DNAJC13: variants seen among roughly 807,000 people sequenced by gnomAD.
The protein encoded by DNAJC13 is DnaJ heat shock protein family (Hsp40) member C13.
A neutral mutation model predicts 290.5 loss-of-function variants in DNAJC13; 75 were observed. The ratio of observed to expected loss-of-function variants is 0.26; its 90% CI spans 0.21 to 0.31. The LOEUF (loss-of-function observed/expected upper bound fraction) is 0.31, where lower values mean the gene tolerates loss of function less well. Among genes scored for constraint, DNAJC13 ranks in the 10% least tolerant of loss-of-function variants. The probability of loss-of-function intolerance (pLI) is 1.00; values close to 1 mark genes in which losing one functional copy is unlikely to be tolerated. For missense variants in DNAJC13, 2,260 were observed against 2,674.5 expected (o/e 0.85, Z 3.42); for synonymous variants, 862 against 892.0 (o/e 0.97, Z 0.60).
In DNAJC13 at chr3:132,453,410, A is replaced by G; in HGVS notation, c.650A>G (p.Gln217Arg). The G allele has an allele frequency of 1.2e-6, 2 of 1,613,994 alleles. No homozygotes were observed. The highest frequency in any genetic ancestry group is 1.7e-6 in the Non-Finnish European group (2 of 1,179,924). Residue 217 changes from glutamine (Q) to arginine (R), a missense_variant, in exon 7 of 56, where the codon CAA (glutamine) becomes CGA (arginine). By Grantham distance (43) the Gln-to-Arg change is conservative. Coordinates refer to ENST00000260818, the MANE Select transcript of DNAJC13 (RefSeq NM_015268.4). ...AGGAAAGAGCCTTTAGAATTCGAGCAATATTTGAATCTTCGCTTTGGAAAA... is the reference window on the plus strand; with the variant it reads ...AGGAAAGAGCCTTTAGAATTCGAGCGATATTTGAATCTTCGCTTTGGAAAA... ...RIRKEPLEFE[Q>R]YLNLRFGKYS...
chr3:132,468,000 T>G (rs1456452054), intron 20 of DNAJC13, among the ~76,000 whole-genome samples: 1 of 152,252 alleles, frequency 6.6e-6, no homozygotes, highest in Non-Finnish European at 1.5e-5. Context: ...GCCTTTTTAT[T>G]CAGAACTAGC....
intron 1 of DNAJC13, among the ~76,000 whole-genome samples, chr3:132,427,459 G>A (rs1039256955): frequency 2.0e-5 from 3 of 152,020 alleles, no homozygotes; most frequent in Admixed American, 6.6e-5. Context: ...TTTTAAAAAC[G>A]TTTTATGGGA....
At chr3:132,458,251 T>G (rs983685447) in intron 13 of DNAJC13, 1 of 152,204 alleles carries the variant, frequency 6.6e-6, no homozygotes, top group Admixed American at 6.6e-5. Context: ...ATCTCAGTTT[T>G]GTGTGTAGTA....
intron 17 of DNAJC13, among the ~76,000 whole-genome samples, chr3:132,464,862 G>A (rs1576475504): frequency 6.6e-6 from 1 of 152,000 alleles, no homozygotes; most frequent in Non-Finnish European, 1.5e-5. Context: ...ATCAATTAGT[G>A]TATTAGGGAA....
chr3:132,499,803 G>A lies in DNAJC13; in HGVS notation c.4411G>A (p.Val1471Ile). Residue 1471 changes from valine (V) to isoleucine (I), a missense_variant, in exon 38 of 56, where the codon GTA becomes ATA. Physicochemically the swap from Val to Ile is conservative, Grantham distance 29 (BLOSUM62 3). Transcript: ENST00000260818. ...TRASKPSDMS[V>I]QVCGYISKCY... The stretch of plus-strand genomic sequence containing the variant: ...TGCTAGTAAACCAAGTGACATGTCA[G>A]TACAGGTGAGGCTAAAACCTGTGGT... 2 of 1,613,692 alleles carry A rather than the reference G, an allele frequency of 1.2e-6. No homozygotes were observed. The highest frequency in any genetic ancestry group is 1.7e-6 in the Non-Finnish European group (2 of 1,179,840).
Position 132,492,445 on chromosome 3 carries a change from C to T in DNAJC13, c.3655C>T (p.Leu1219Phe). ...RLMIEKIAAH[L>F]ADFTPRLQSN... ...GATGATAGAGAAGATTGCTGCCCATCTCGCGGATTTCACACCTCGTCTTCA... is the reference window on the plus strand; with the variant it reads ...GATGATAGAGAAGATTGCTGCCCATTTCGCGGATTTCACACCTCGTCTTCA... The change falls in exon 33 of 56, where the codon CTC becomes TTC. Residue 1219 changes from leucine (L) to phenylalanine (F), a missense_variant. Around this residue, in one of 3 missense-constraint regions of DNAJC13, gnomAD observed 1,494 missense variants for 1,693.7 expected, o/e 0.88. Transcript: ENST00000260818. 6.2e-7 allele frequency: 1 copy of T among 1,613,864 alleles called. No homozygotes were observed. The highest frequency in any genetic ancestry group is 8.5e-7 in the Non-Finnish European group (1 of 1,179,836).
intron 2 of DNAJC13, among the ~76,000 whole-genome samples, chr3:132,441,756 C>T (rs1194938781): frequency 1.3e-5 from 2 of 152,186 alleles, no homozygotes; most frequent in African/African-American, 4.8e-5. Context: ...CACTATTTTA[C>T]ATGCCTGATT....
rs141914219 is a variant in DNAJC13 at position 132,439,442 on chromosome 3, T to G, written c.68+4824T>G. On this transcript the variant is annotated intron_variant, in intron 2 of 55. Transcript: ENST00000260818. ...GGAATACTGAGGGGTTTTTTTTGTT[T>G]TTTTTTTTTTCCCCTCGCTCTTGAC... Among the ~76,000 whole-genome samples the G allele has an allele frequency of 2.9e-3, 441 of 151,672 alleles. 1 individual carries two copies. Among genetic ancestry groups the G allele is most frequent in the African/African-American group, 0.01 (418 of 41,444 alleles).
At chr3:132,431,681 CAT>C (rs1939243631) in intron 1 of DNAJC13, among the ~76,000 whole-genome samples, 1 of 152,240 alleles carries the variant, frequency 6.6e-6, no homozygotes, top group South Asian at 2.1e-4. Flanking sequence ...CACAAAAACT[CAT>C]ATATGCTTGT....
Position 132,496,570 on chromosome 3 carries a change from A to T in DNAJC13, c.4063A>T (p.Thr1355Ser). The T allele has an allele frequency of 2.5e-6, 4 of 1,607,070 alleles. No homozygotes were observed. The highest frequency in any genetic ancestry group is 3.4e-6 in the Non-Finnish European group (4 of 1,176,196). The change falls in exon 36 of 56, where the codon ACC becomes TCC. Residue 1355 changes from threonine to serine, a missense_variant. Thr to Ser is a moderately conservative substitution (Grantham distance 58). Around this residue, in one of 3 missense-constraint regions of DNAJC13, gnomAD observed 1,494 missense variants for 1,693.7 expected, o/e 0.88. Coordinates refer to ENST00000260818, the MANE Select transcript of DNAJC13 (RefSeq NM_015268.4). ...KVNKAYEFLC[T>S]KSAKIVDGPD... ...AAATAAAGCATATGAATTTTTATGT[A>T]CCAAATCAGCAAAAATAGTGGATGG...
Position 132,522,806 on chromosome 3 carries a change from A to G in DNAJC13, c.5674-22A>G, listed in dbSNP as rs79303841. On this transcript the variant is annotated intron_variant, in intron 48 of 55. Coordinates refer to ENST00000260818, the MANE Select transcript of DNAJC13 (RefSeq NM_015268.4). ...GGTGTTTCCAATAGGTGTCTTTTTCATTCTCAAACTTCCTCGTATAGGTTC... is the reference window on the plus strand; with the variant it reads ...GGTGTTTCCAATAGGTGTCTTTTTCGTTCTCAAACTTCCTCGTATAGGTTC... 1,141 of 1,572,772 alleles carry G rather than the reference A, an allele frequency of 7.3e-4. 13 individuals carry two copies. In the African/African-American group the frequency reaches 0.014, roughly 19 times the overall value.
At chr3:132,512,880 T>G in intron 44 of DNAJC13, 128 bp from the exon 45 acceptor site, 1 of 749,580 alleles carries the variant, frequency 1.3e-6, no homozygotes, top group Non-Finnish European at 2.2e-6. Context: ...TTACTTCATG[T>G]CACAGATGTT....
intron 43 of DNAJC13, 120 bp downstream of exon 43, chr3:132,507,473 C>T (rs563600189): frequency 2.6e-5 from 14 of 532,010 alleles, no homozygotes; most frequent in Admixed American, 9.9e-5. Context: ...TACTGTGCTG[C>T]TTTTTTTTTT....
intron 20 of DNAJC13, among the ~76,000 whole-genome samples, chr3:132,467,770 G>A (rs1433774813): frequency 6.6e-6 from 1 of 152,052 alleles, no homozygotes; most frequent in African/African-American, 2.4e-5. Context: ...CGGCCGAATG[G>A]TACCTAATTT....
Position 132,531,020 on chromosome 3 carries a change from C to A in DNAJC13, c.6548C>A (p.Ser2183Tyr), listed in dbSNP as rs1057201169. 6.2e-7 allele frequency: 1 copy of A among 1,614,048 alleles called. No individual in the cohort carries two copies. Among genetic ancestry groups the A allele is most frequent in the East Asian group, 2.2e-5 (1 of 44,876 alleles). The change falls in exon 55 of 56, where the codon TCT (serine) becomes TAT (tyrosine). Residue 2183 changes from serine to tyrosine, a missense_variant. Physicochemically the swap from Ser to Tyr is moderately radical, Grantham distance 144. Coordinates refer to ENST00000260818, the MANE Select transcript of DNAJC13 (RefSeq NM_015268.4). ...GEQVNEILCRSSVWSAFKDQK... is the reference protein window; with the variant it reads ...GEQVNEILCRYSVWSAFKDQK... ...TAGGTGAATGAAATCCTGTGCCGTT[C>A]TTCAGTCTGGAGTGCCTTCAAAGAT...
At chr3:132,443,277 T>C (rs1281045528) in intron 2 of DNAJC13, among the ~76,000 whole-genome samples, 2 of 152,184 alleles carry the variant, frequency 1.3e-5, no homozygotes, top group African/African-American at 2.4e-5. Flanking sequence ...CTCAGCCTCC[T>C]GAGTAGCCGG....
rs3215092 is a variant in DNAJC13 at position 132,494,924 on chromosome 3, TA to T, written c.3942-152del. Among the ~76,000 whole-genome samples, 18,039 of 147,540 alleles carry T rather than the reference TA, an allele frequency of 0.12. 1,140 individuals are homozygous for T. The highest frequency in any genetic ancestry group is 0.15 in the South Asian group (682 of 4,688). Reference sequence around the variant, plus strand: ...TCTTTCACCCATAAAAGTAACATGTTAAAAAAAAAAAATCTTAATTCTTTCT... The same window carrying T: ...TCTTTCACCCATAAAAGTAACATGTTAAAAAAAAAAATCTTAATTCTTTCT... On this transcript the variant is annotated intron_variant, in intron 34 of 55. Transcript: ENST00000260818.
intron 6 of DNAJC13, among the ~76,000 whole-genome samples, chr3:132,451,358 A>G (rs1933409442): frequency 6.6e-6 from 1 of 152,280 alleles, no homozygotes; most frequent in Admixed American, 6.5e-5. Flanking sequence ...AGAATCTTTC[A>G]TCCTTTGCCT....
chr3:132,466,503 T>A, intron 19 of DNAJC13, 109 bp downstream of exon 19: 6 of 786,968 alleles, frequency 7.6e-6, no homozygotes, highest in South Asian at 3.1e-5. Flanking sequence ...ATTCATTGCA[T>A]TGAATAGTAT....
Sources: allele counts gnomAD v4.1 joint callset (sites outside exome capture counted in the v4.1 genomes callset), GRCh38; gene constraint gnomAD v4.1.1; regional missense constraint gnomAD v4.1.1; transcripts MANE v1.5; gene names NCBI Gene and HGNC (gene_info 2026-07-23, HGNC 2026-07-21).